KCNJ6: variants seen among roughly 807,000 people sequenced by gnomAD.
KCNJ6 encodes the protein potassium inwardly rectifying channel subfamily J member 6, also known as G protein-activated inward rectifier potassium channel 2.
In KCNJ6, 9 loss-of-function variants were observed where a neutral mutation model predicts 34.2. The ratio of observed to expected loss-of-function variants is 0.26; its 90% CI spans 0.16 to 0.46. The LOEUF (loss-of-function observed/expected upper bound fraction) is 0.46, where lower values mean the gene tolerates loss of function less well. Among genes scored for constraint, KCNJ6 ranks in the 20% least tolerant of loss-of-function variants. KCNJ6 has a pLI of 1.00. For missense variants in KCNJ6, 236 were observed against 531.3 expected, an observed-to-expected ratio of 0.44 and a Z score of 5.46; for synonymous variants, 196 against 207.1, an observed-to-expected ratio of 0.95 and a Z score of 0.46.
chr21:37,650,849 A>T (rs957040163), intron 3 of KCNJ6, among the ~76,000 whole-genome samples: 3 of 152,236 alleles, frequency 2.0e-5, no homozygotes, highest in Admixed American at 2.0e-4. Flanking sequence ...CTAATCAGAT[A>T]ATCTCAATGA....
intron 2 of KCNJ6, among the ~76,000 whole-genome samples, chr21:37,790,687 T>C (rs2055212632): frequency 2.6e-5 from 4 of 152,236 alleles, no homozygotes; most frequent in Admixed American, 2.0e-4. Context: ...GGGACCTATA[T>C]GTGACTAAGG....
chr21:37,727,361 G>A (rs1398479370), intron 2 of KCNJ6, among the ~76,000 whole-genome samples: 1 of 152,140 alleles, frequency 6.6e-6, no homozygotes, highest in Non-Finnish European at 1.5e-5. Flanking sequence ...GTGGGTTAAG[G>A]AGTGACTCAC....
At chr21:37,694,410 T>C (rs1011421122) in intron 3 of KCNJ6, among the ~76,000 whole-genome samples, 11 of 152,216 alleles carry the variant, frequency 7.2e-5, no homozygotes, top group Non-Finnish European at 1.5e-5. Flanking sequence ...TTAGCATTTT[T>C]GGTATCTTTC....
intron 2 of KCNJ6, among the ~76,000 whole-genome samples, chr21:37,767,379 C>T (rs1225963428): frequency 1.1e-4 from 17 of 152,144 alleles, no homozygotes; most frequent in Non-Finnish European, 1.5e-5. Context: ...AATTGTGGTA[C>T]GTAGGATCTG....
chr21:37,715,558 T>C (rs1486033626), intron 2 of KCNJ6, among the ~76,000 whole-genome samples: 1 of 152,194 alleles, frequency 6.6e-6, no homozygotes, highest in African/African-American at 2.4e-5. Flanking sequence ...GGCCATGATA[T>C]CTGTTATGGA....
At chr21:37,734,659 A>G (rs1215115359) in intron 2 of KCNJ6, among the ~76,000 whole-genome samples, 3 of 152,058 alleles carry the variant, frequency 2.0e-5, no homozygotes, top group Non-Finnish European at 4.4e-5. Context: ...CAAGTCCTAC[A>G]TCCTTGCAGT....
At chr21:37,798,161 A>G (rs2055252234) in intron 2 of KCNJ6, among the ~76,000 whole-genome samples, 1 of 152,124 alleles carries the variant, frequency 6.6e-6, no homozygotes, top group African/African-American at 2.4e-5. Flanking sequence ...AGACACAAAA[A>G]CTGAAGCCTA....
intron 3 of KCNJ6, among the ~76,000 whole-genome samples, chr21:37,674,584 A>G (rs1360243089): frequency 6.6e-6 from 1 of 150,700 alleles, no homozygotes; most frequent in African/African-American, 2.4e-5. Flanking sequence ...CTTTGCATGC[A>G]GGTCCTCTCT....
chr21:37,723,159 C>G (rs184166350), intron 2 of KCNJ6, among the ~76,000 whole-genome samples: 2 of 152,050 alleles, frequency 1.3e-5, no homozygotes, highest in African/African-American at 4.8e-5. Flanking sequence ...AAGTGGTCAA[C>G]AAACATATGA....
chr21:37,904,835 T>C lies in KCNJ6; in HGVS notation c.-28+11049A>G, dbSNP rs563467070. 3.6e-4 allele frequency among the ~76,000 whole-genome samples: 55 copies of C among 152,226 alleles called. 1 individual carries two copies. The South Asian group carries it at 9.8e-3, about 27-fold the overall frequency. On this transcript the variant is annotated intron_variant, in intron 1 of 3. Coordinates refer to ENST00000609713, the MANE Select transcript of KCNJ6 (RefSeq NM_002240.5). ...CTCTGCTCCAGATCACAAAATAAAA[T>C]GGTCTCATCATATTCAGGATGAACA... is the stretch of plus-strand genomic sequence containing the variant.
At chr21:37,715,236 G>A in intron 2 of KCNJ6, 105 bp from the exon 3 acceptor site, 1 of 979,510 alleles carries the variant, frequency 1.0e-6, no homozygotes, top group Non-Finnish European at 1.5e-6. Context: ...AATACCATTT[G>A]TGTAGCTATA....
chr21:37,859,953 C>T (rs954686473), intron 1 of KCNJ6, among the ~76,000 whole-genome samples: 2 of 152,110 alleles, frequency 1.3e-5, no homozygotes, highest in Non-Finnish European at 2.9e-5. Context: ...TTTCAGTTCT[C>T]CCTCTTTCCC....
At chr21:37,742,091 A>G (rs1282663703) in intron 2 of KCNJ6, among the ~76,000 whole-genome samples, 1 of 152,210 alleles carries the variant, frequency 6.6e-6, no homozygotes, top group Non-Finnish European at 1.5e-5. Context: ...TGAGCTACCT[A>G]GAAATGGACA....
intron 1 of KCNJ6, among the ~76,000 whole-genome samples, chr21:37,897,290 G>A (rs1212997386): frequency 6.6e-6 from 1 of 152,204 alleles, no homozygotes; most frequent in East Asian, 1.9e-4. Context: ...GTGCAGCCCA[G>A]CAGGGAGACA....
chr21:37,659,397 G>A (rs1248008896), intron 3 of KCNJ6, among the ~76,000 whole-genome samples: 1 of 152,194 alleles, frequency 6.6e-6, no homozygotes, highest in Non-Finnish European at 1.5e-5. Flanking sequence ...GGTGGAGTAG[G>A]GGCCTGTGGC....
At chr21:37,676,829 TG>T (rs2054567070) in intron 3 of KCNJ6, among the ~76,000 whole-genome samples, 1 of 152,224 alleles carries the variant, frequency 6.6e-6, no homozygotes, top group Admixed American at 6.5e-5. Context: ...GAGAGTGACC[TG>T]GCTCCAAATG....
intron 3 of KCNJ6, among the ~76,000 whole-genome samples, chr21:37,702,278 G>A (rs937758651): frequency 6.7e-5 from 10 of 149,576 alleles, no homozygotes; most frequent in Non-Finnish European, 1.3e-4. Flanking sequence ...TGTGCCAAGT[G>A]AACTTTGGTA....
chr21:37,827,502 TAG>T (rs2055404735), intron 2 of KCNJ6, among the ~76,000 whole-genome samples: 4 of 150,888 alleles, frequency 2.7e-5, no homozygotes, highest in Admixed American at 2.6e-4. Context: ...TATAAAATCA[TAG>T]AGTGACATCA....
chr21:37,756,843 G>C, intron 2 of KCNJ6, among the ~76,000 whole-genome samples: 1 of 142,606 alleles, frequency 7.0e-6, no homozygotes, highest in Non-Finnish European at 1.5e-5. Context: ...TTCCAGCCCA[G>C]AGTGAGCACT....
Sources: allele counts gnomAD v4.1 joint callset (sites outside exome capture counted in the v4.1 genomes callset), GRCh38; gene constraint gnomAD v4.1.1; transcripts MANE v1.5; gene names NCBI Gene and HGNC (gene_info 2026-07-23, HGNC 2026-07-21).